The following SYK variants were observed in gnomAD, a reference collection of about 807,000 sequenced individuals.
SYK encodes the protein tyrosine-protein kinase SYK.
SYK carries 16 observed loss-of-function variants against 77.8 expected under a neutral mutation model. That is an observed-to-expected ratio of 0.21 (90% confidence interval 0.14 to 0.31). SYK has a LOEUF of 0.31. Ranked by LOEUF, SYK falls within the 10% of genes least tolerant of loss-of-function variation. The pLI, the probability that SYK is intolerant of heterozygous loss-of-function variation, is 1.00. For synonymous variants in SYK, 312 were observed against 308.7 expected (o/e 1.01, Z -0.11); for missense variants, 529 against 814.4 (o/e 0.65, Z 4.26).
At chr9:90,840,857 C>G (rs1826281661) in intron 1 of SYK, among the ~76,000 whole-genome samples, 1 of 152,204 alleles carries the variant, frequency 6.6e-6, no homozygotes, top group Non-Finnish European at 1.5e-5. Context: ...TAGGGGCTCG[C>G]CCAGGAGTAC....
chr9:90,810,265 G>A (rs1316004498), intron 1 of SYK, among the ~76,000 whole-genome samples: 1 of 152,122 alleles, frequency 6.6e-6, no homozygotes, highest in East Asian at 1.9e-4. Context: ...GGGACAATGT[G>A]CCCCCAGCAT....
chr9:90,822,273 T>G (rs1825544729), intron 1 of SYK, among the ~76,000 whole-genome samples: 1 of 152,240 alleles, frequency 6.6e-6, no homozygotes, highest in African/African-American at 2.4e-5. Context: ...TCTCTTTGCC[T>G]TACATTTTAT....
At chr9:90,893,010 T>TAC (rs1828853235) in intron 13 of SYK, among the ~76,000 whole-genome samples, 2 of 152,206 alleles carry the variant, frequency 1.3e-5, no homozygotes, top group African/African-American at 4.8e-5. Flanking sequence ...GAGCCCTGGG[T>TAC]CATTCACAGG....
At chr9:90,858,376 A>G (rs542933916) in intron 3 of SYK, among the ~76,000 whole-genome samples, 25 of 152,394 alleles carry the variant, frequency 1.6e-4, no homozygotes, top group African/African-American at 5.8e-4. Flanking sequence ...AGGCTTTGCA[A>G]TAGCAAAACA....
At chr9:90,840,562 A>AG (rs1826264102) in intron 1 of SYK, among the ~76,000 whole-genome samples, 1 of 151,508 alleles carries the variant, frequency 6.6e-6, no homozygotes, top group Non-Finnish European at 1.5e-5. Flanking sequence ...TCTAAAAAAA[A>AG]AAAAAAAAAA....
At chr9:90,829,986 G>C (rs1291139736) in intron 1 of SYK, among the ~76,000 whole-genome samples, 1 of 152,230 alleles carries the variant, frequency 6.6e-6, no homozygotes, top group Non-Finnish European at 1.5e-5. Context: ...GGCACAGCAA[G>C]AGAATTTGGT....
intron 1 of SYK, among the ~76,000 whole-genome samples, chr9:90,836,171 C>T: frequency 6.6e-6 from 1 of 151,846 alleles, no homozygotes; most frequent in East Asian, 1.9e-4. Flanking sequence ...CCTGTAATCC[C>T]AGCTACTTGG....
intron 1 of SYK, among the ~76,000 whole-genome samples, chr9:90,839,324 G>A (rs1235813526): frequency 2.6e-5 from 4 of 152,154 alleles, no homozygotes; most frequent in East Asian, 1.9e-4. Flanking sequence ...GGTCAACTCC[G>A]GCACAGGAAG....
intron 3 of SYK, among the ~76,000 whole-genome samples, chr9:90,855,053 C>G (rs1215083879): frequency 2.8e-5 from 4 of 142,648 alleles, no homozygotes; most frequent in Non-Finnish European, 4.6e-5. Flanking sequence ...AGAACCGCGG[C>G]TGCATATCAT....
intron 1 of SYK, among the ~76,000 whole-genome samples, chr9:90,842,025 TTG>T (rs992359345): frequency 7.3e-6 from 1 of 136,324 alleles, no homozygotes; most frequent in African/African-American, 2.5e-5. Context: ...GTGTAGTGTG[TTG>T]TGTGTGTGGT....
At chr9:90,852,287 G>A (rs1826850993) in intron 3 of SYK, among the ~76,000 whole-genome samples, 1 of 152,168 alleles carries the variant, frequency 6.6e-6, no homozygotes, top group African/African-American at 2.4e-5. Context: ...ACCTAAGGCC[G>A]TGCAGTCACA....
intron 3 of SYK, among the ~76,000 whole-genome samples, 197 bp downstream of exon 3, chr9:90,845,791 C>A (rs1461500887): frequency 6.6e-6 from 1 of 152,110 alleles, no homozygotes; most frequent in Non-Finnish European, 1.5e-5. Flanking sequence ...TTTATTTTGC[C>A]CAGTCTAACT....
chr9:90,869,983 C>T (rs1398494975), intron 7 of SYK, among the ~76,000 whole-genome samples: 1 of 152,142 alleles, frequency 6.6e-6, no homozygotes, highest in Non-Finnish European at 1.5e-5. Flanking sequence ...TGGCACACGC[C>T]TATAATCCCA....
At chr9:90,889,723 C>T (rs1195273667) in intron 13 of SYK, among the ~76,000 whole-genome samples, 2 of 152,248 alleles carry the variant, frequency 1.3e-5, no homozygotes, top group African/African-American at 4.8e-5. Flanking sequence ...CCCGGAGCAT[C>T]TTCTCCAACC....
chr9:90,806,298 ATCT>A (rs1454039946), intron 1 of SYK, among the ~76,000 whole-genome samples: 2 of 151,550 alleles, frequency 1.3e-5, no homozygotes, highest in Admixed American at 6.6e-5. Flanking sequence ...AGAACCCTCC[ATCT>A]TCTTCTTGTC....
chr9:90,803,699 C>T (rs1364140554), intron 1 of SYK, among the ~76,000 whole-genome samples: 1 of 151,906 alleles, frequency 6.6e-6, no homozygotes, highest in Non-Finnish European at 1.5e-5. Flanking sequence ...GGTTATAATC[C>T]AATATGCTTG....
chr9:90,870,769 T>A (rs1284520420), intron 7 of SYK, among the ~76,000 whole-genome samples: 2 of 152,208 alleles, frequency 1.3e-5, no homozygotes, highest in African/African-American at 4.8e-5. Flanking sequence ...CCTAGTTTAT[T>A]GCAGCCAATA....
intron 1 of SYK, among the ~76,000 whole-genome samples, chr9:90,802,309 A>G (rs889644344): frequency 1.3e-5 from 2 of 152,200 alleles, no homozygotes; most frequent in Non-Finnish European, 2.9e-5. Context: ...ACACGAATCC[A>G]CTGGAAAATG....
intron 10 of SYK, among the ~76,000 whole-genome samples, chr9:90,878,384 A>C (rs1828024137): frequency 6.6e-6 from 1 of 152,118 alleles, no homozygotes. Flanking sequence ...TTTAGTCTCC[A>C]TGGAAGGGAG....
Sources: gnomAD v4.1 joint callset for allele counts (sites outside exome capture counted in the v4.1 genomes callset) on GRCh38, gnomAD v4.1.1 for gene constraint, MANE v1.5 for transcripts, NCBI Gene and HGNC (gene_info 2026-07-23, HGNC 2026-07-21) for gene names.